Variants in ADAM32 observed in about 807,000 individuals in gnomAD.
ADAM32 encodes the protein disintegrin and metalloproteinase domain-containing protein 32.
Under a neutral mutation model 114.9 loss-of-function variants are expected in ADAM32, and 89 were observed. The observed-to-expected ratio is 0.77, with a 90% CI of 0.65 to 0.92. The LOEUF (loss-of-function observed/expected upper bound fraction) is 0.92, where lower values mean the gene tolerates loss of function less well. Among genes scored for constraint, ADAM32 ranks in the 40% least tolerant of loss-of-function variants. ADAM32 has a pLI of 0.00. For missense variants in ADAM32, 870 were observed against 932.8 expected, an observed-to-expected ratio of 0.93 and a Z score of 0.88; for synonymous variants, 285 against 307.5, an observed-to-expected ratio of 0.93 and a Z score of 0.77.
intron 11 of ADAM32, among the ~76,000 whole-genome samples, chr8:39,201,489 C>G (rs1171760672): frequency 6.6e-6 from 1 of 151,994 alleles, no homozygotes; most frequent in East Asian, 1.9e-4. Flanking sequence ...TATCCTGAGA[C>G]TTTGCTGAAG....
intron 6 of ADAM32, among the ~76,000 whole-genome samples, chr8:39,155,781 T>C (rs896676173): frequency 1.2e-4 from 19 of 152,216 alleles, no homozygotes; most frequent in Non-Finnish European, 1.9e-4. Context: ...TTCTTTTGTT[T>C]AGTGGATTTT....
chr8:39,248,335 T>C (rs1249544903), intron 17 of ADAM32, among the ~76,000 whole-genome samples: 2 of 152,198 alleles, frequency 1.3e-5, no homozygotes, highest in African/African-American at 2.4e-5. Context: ...GTAATGTGTT[T>C]TCATTTATTT....
chr8:39,268,966 G>A (rs895729685), intron 19 of ADAM32, among the ~76,000 whole-genome samples: 1 of 152,146 alleles, frequency 6.6e-6, no homozygotes, highest in African/African-American at 2.4e-5. Context: ...CCTTCTGTGA[G>A]CACAAGAAAT....
intron 19 of ADAM32, among the ~76,000 whole-genome samples, chr8:39,261,840 G>C (rs998809097): frequency 6.6e-6 from 1 of 152,000 alleles, no homozygotes; most frequent in East Asian, 1.9e-4. Context: ...TTGGCCATTT[G>C]TGTGTCTTCT....
rs1210287165 is a variant in ADAM32 at position 39,160,886 on chromosome 8, C to CT, written c.526-5dup. 3.2e-6 allele frequency: 5 copies of CT among 1,573,074 alleles called. No homozygotes were observed. Among genetic ancestry groups the CT allele is most frequent in the South Asian group, 1.2e-5 (1 of 82,204 alleles). On this transcript the variant is annotated splice_polypyrimidine_tract_variant and intron_variant, in intron 6 of 24. Coordinates refer to ENST00000379907, the MANE Select transcript of ADAM32 (RefSeq NM_145004.7). ...TTTTCATGTATTATATGCTGTTTTCCTTTTTTCTAGTCAGAACCAGCTGTT... is the reference window on the plus strand; with the variant it reads ...TTTTCATGTATTATATGCTGTTTTCCTTTTTTTCTAGTCAGAACCAGCTGTT...
intron 23 of ADAM32, among the ~76,000 whole-genome samples, chr8:39,281,771 T>G (rs923196675): frequency 1.3e-5 from 2 of 152,250 alleles, no homozygotes; most frequent in Non-Finnish European, 2.9e-5. Flanking sequence ...TATTTACTGC[T>G]ATGTTCGTCA....
At chr8:39,272,101 G>GAAAAAAAAAAAAAAA (rs11366445) in intron 20 of ADAM32, among the ~76,000 whole-genome samples, 2 of 65,810 alleles carry the variant, frequency 3.0e-5, no homozygotes, top group Non-Finnish European at 5.8e-5. Context: ...GTGAGCTCCA[G>GAAAAAAAAAAAAAAA]AAAAAAAAAA....
intron 12 of ADAM32, among the ~76,000 whole-genome samples, chr8:39,220,216 T>C (rs917030060): frequency 1.3e-5 from 2 of 152,200 alleles, no homozygotes; most frequent in African/African-American, 4.8e-5. Context: ...TTTATTACTG[T>C]TTTTGGTCCA....
At chr8:39,124,968 T>A (rs1802025086) in intron 2 of ADAM32, among the ~76,000 whole-genome samples, 1 of 152,172 alleles carries the variant, frequency 6.6e-6, no homozygotes, top group Non-Finnish European at 1.5e-5. Context: ...CCCCCAACAG[T>A]GTAAAAGTGT....
intron 2 of ADAM32, among the ~76,000 whole-genome samples, chr8:39,127,141 G>T (rs1802165154): frequency 6.6e-6 from 1 of 152,022 alleles, no homozygotes. Flanking sequence ...TTTTTTTGTT[G>T]TATCTCTGTC....
intron 12 of ADAM32, 41 bp downstream of exon 12, chr8:39,211,365 G>T: frequency 7.1e-7 from 1 of 1,399,690 alleles, no homozygotes; most frequent in East Asian, 2.7e-5. Context: ...TAAATTTATT[G>T]TTTTAATTTA....
chr8:39,239,884 T>A (rs1468591827), intron 16 of ADAM32, among the ~76,000 whole-genome samples: 2 of 152,106 alleles, frequency 1.3e-5, no homozygotes, highest in Admixed American at 1.3e-4. Flanking sequence ...AAATCACAAT[T>A]GTAAATACAT....
At chr8:39,232,484 C>T (rs1809807447) in intron 15 of ADAM32, among the ~76,000 whole-genome samples, 1 of 152,118 alleles carries the variant, frequency 6.6e-6, no homozygotes, top group South Asian at 2.1e-4. Flanking sequence ...TTCAATTCCT[C>T]CTGAATCTGA....
At chr8:39,163,645 A>G (rs1261526489) in intron 7 of ADAM32, among the ~76,000 whole-genome samples, 1 of 152,246 alleles carries the variant, frequency 6.6e-6, no homozygotes, top group Non-Finnish European at 1.5e-5. Flanking sequence ...CATCTAGATA[A>G]CAGTTGCTGT....
At chr8:39,116,726 A>C (rs1202041079) in intron 1 of ADAM32, among the ~76,000 whole-genome samples, 7 of 151,742 alleles carry the variant, frequency 4.6e-5, no homozygotes, top group Non-Finnish European at 7.4e-5. Context: ...GATGCCTTTT[A>C]TTTCTTTCTC....
At chr8:39,257,492 T>G in intron 19 of ADAM32, 149 bp downstream of exon 19, 1 of 1,021,514 alleles carries the variant, frequency 9.8e-7, no homozygotes, top group Non-Finnish European at 1.4e-6. Flanking sequence ...ATGAGGTAGC[T>G]GTGAATACCC....
chr8:39,142,665 C>G (rs1448353650), intron 3 of ADAM32, among the ~76,000 whole-genome samples: 1 of 152,164 alleles, frequency 6.6e-6, no homozygotes, highest in Non-Finnish European at 1.5e-5. Context: ...CTTGGTGAAT[C>G]TGACAATTAT....
chr8:39,187,364 C>T (rs751716802), intron 11 of ADAM32, among the ~76,000 whole-genome samples: 1 of 152,292 alleles, frequency 6.6e-6, no homozygotes, highest in East Asian at 1.9e-4. Flanking sequence ...CTCTGCCTCC[C>T]GGGTTCACAC....
At chr8:39,139,379 A>C (rs1365452371) in intron 3 of ADAM32, among the ~76,000 whole-genome samples, 1 of 152,186 alleles carries the variant, frequency 6.6e-6, no homozygotes, top group African/African-American at 2.4e-5. Flanking sequence ...ATCGAGTTTC[A>C]ACTTTCTATA....
Sources: gnomAD v4.1 joint callset for allele counts (sites outside exome capture counted in the v4.1 genomes callset) on GRCh38, gnomAD v4.1.1 for gene constraint, MANE v1.5 for transcripts, NCBI Gene and HGNC (gene_info 2026-07-23, HGNC 2026-07-21) for gene names.